The following ERCC2 variants were observed in gnomAD, a reference collection of about 807,000 sequenced individuals.
ERCC2 encodes general transcription and DNA repair factor IIH helicase subunit XPD.
In ERCC2, 90 loss-of-function variants were observed where a neutral mutation model predicts 99.4. That is an observed-to-expected ratio of 0.91 (90% CI 0.76 to 1.08). ERCC2 has a LOEUF of 1.08. Ranked by LOEUF, ERCC2 falls within the 50% of genes least tolerant of loss-of-function variation. The probability of loss-of-function intolerance (pLI) is 0.00; values close to 1 mark genes in which losing one functional copy is unlikely to be tolerated. For synonymous variants in ERCC2, 497 were observed against 432.4 expected (o/e 1.15, Z -1.85); for missense variants, 993 against 1,038.1 (o/e 0.96, Z 0.60).
At position 45,351,207 on chromosome 19, in the gene ERCC2, G is replaced by A. The variant is rs1971751177; in HGVS notation, c.*422C>T. 1.9e-6 allele frequency: 3 copies of A among 1,588,002 alleles called. No homozygotes were observed. The highest frequency in any genetic ancestry group is 3.4e-5 in the Admixed American group (2 of 58,616). On this transcript the variant is annotated 3_prime_UTR_variant, in exon 23 of 23. Coordinates refer to ENST00000391945, the MANE Select transcript of ERCC2 (RefSeq NM_000400.4). ...GAGGGGGTTGGATAGTTGGCTGCCA[G>A]GCTGGACCTGGAGCTGGAGGGTGGA... is the stretch of plus-strand genomic sequence containing the variant.
At chr19:45,354,205 A>C (rs529798896) in intron 17 of ERCC2, among the ~76,000 whole-genome samples, 23 of 152,144 alleles carry the variant, frequency 1.5e-4, no homozygotes, top group African/African-American at 5.1e-4. Flanking sequence ...CCTCCCACCC[A>C]TGTCCTGCTG....
chr19:45,352,813 T>C lies in ERCC2; in HGVS notation c.1835A>G (p.His612Arg). ...GKVSEGIDFV[H>R]HYGRAVIMFG... is the part of the protein sequence containing the mutation. ...CATGATGACGGCCCGCCCGTAGTGG[T>C]GCACTGGTGGGCAGAGGAGAGGGGG... The change falls in exon 20 of 23, where the codon CAC (histidine) becomes CGC (arginine). Residue 612 changes from histidine (H) to arginine (R), a missense_variant. Coordinates refer to ENST00000391945, the MANE Select transcript of ERCC2 (RefSeq NM_000400.4). 1.2e-6 allele frequency: 2 copies of C among 1,613,060 alleles called. No individual in the cohort carries two copies. The highest frequency in any genetic ancestry group is 2.2e-5 in the South Asian group (2 of 91,036).
intron 17 of ERCC2, among the ~76,000 whole-genome samples, chr19:45,353,652 G>C (rs1191439458): frequency 6.6e-6 from 1 of 152,192 alleles, no homozygotes; most frequent in East Asian, 1.9e-4. Flanking sequence ...GCTGCCCTGA[G>C]ACTTCCCATA....
In ERCC2 at chr19:45,351,573, G is replaced by GGGCCAGGCAAGACTCAGGAGT; in HGVS notation, c.*35_*55dup. 3 of 1,610,872 alleles carry GGGCCAGGCAAGACTCAGGAGT rather than the reference G, an allele frequency of 1.9e-6. No homozygotes were observed. The highest frequency in any genetic ancestry group is 2.5e-6 in the Non-Finnish European group (3 of 1,179,564). ...CTAGCACCACCGCCGCTGGGAACCA[G>GGGCCAGGCAAGACTCAGGAGT]GGCCAGGCAAGACTCAGGAGTCACC... On this transcript the variant is annotated 3_prime_UTR_variant, in exon 23 of 23. Transcript: ENST00000391945.
chr19:45,352,923 G>A, intron 19 of ERCC2, 107 bp from the exon 20 acceptor site: 3 of 1,252,882 alleles, frequency 2.4e-6, no homozygotes, highest in Non-Finnish European at 3.5e-6. Flanking sequence ...GGGAGAGGGT[G>A]TGTTCCCGCC....
intron 17 of ERCC2, among the ~76,000 whole-genome samples, chr19:45,353,561 C>T (rs779042998): frequency 5.3e-5 from 8 of 152,236 alleles, no homozygotes; most frequent in Middle Eastern, 3.4e-3. Context: ...GTGGCCCAAG[C>T]GGGTGGCCAA....
intron 15 of ERCC2, among the ~76,000 whole-genome samples, chr19:45,356,158 G>A (rs1034796036): frequency 1.3e-5 from 2 of 152,100 alleles, no homozygotes; most frequent in Admixed American, 1.3e-4. Flanking sequence ...CAGGCCCTGG[G>A]CCAGCCGGAT....
rs943265735 is a variant in ERCC2 at position 45,350,478 on chromosome 19, T to C, written c.*1151A>G. The C allele has an allele frequency of 3.1e-6, 5 of 1,613,470 alleles. No individual in the cohort carries two copies. The highest frequency in any genetic ancestry group is 3.4e-6 in the Non-Finnish European group (4 of 1,179,604). On this transcript the variant is annotated 3_prime_UTR_variant, in exon 23 of 23. Transcript: ENST00000391945. ...GTCTTCCCTCCTGGTGGCTTCTCTA[T>C]GTCCCCATCTCAGTGTCCCCCATCT...
chr19:45,369,044 C>T (rs1329706009), intron 3 of ERCC2, 26 bp downstream of exon 3: 1 of 1,614,100 alleles, frequency 6.2e-7, no homozygotes, highest in East Asian at 2.2e-5. Context: ...CTTTGTCTGC[C>T]TTTACGGGTT....
chr19:45,350,599 A>G lies in ERCC2; in HGVS notation c.*1030T>C. 1 of 1,613,300 alleles carries G rather than the reference A, an allele frequency of 6.2e-7. No individual in the cohort carries two copies. The highest frequency in any genetic ancestry group is 8.5e-7 in the Non-Finnish European group (1 of 1,179,480). On this transcript the variant is annotated 3_prime_UTR_variant, in exon 23 of 23. Transcript: ENST00000391945. ...CTCCTGGGGTGGGCGTGGGGACTGC[A>G]TGGGCCTGGGGGACTGAGCAGCATC...
chr19:45,361,840 A>G, intron 11 of ERCC2, 198 bp from the exon 12 acceptor site: 1 of 614,764 alleles, frequency 1.6e-6, no homozygotes, highest in Non-Finnish European at 3.0e-6. Context: ...ATTGCCGCAT[A>G]ATGGCACAGA....
In ERCC2 at chr19:45,350,046, G is replaced by A; in HGVS notation, c.*1583C>T. ...AGGCTGCCTGTCCTCCATCCCCAGG[G>A]CAGGAAGTAAGGCCGAGCTCCAAAC... On this transcript the variant is annotated 3_prime_UTR_variant, in exon 23 of 23. Transcript: ENST00000391945. 2 of 466,686 alleles carry A rather than the reference G, an allele frequency of 4.3e-6. No homozygotes were observed. Among genetic ancestry groups the A allele is most frequent in the South Asian group, 5.4e-5 (2 of 36,738 alleles). The allele number at this position is 466,686 out of a possible 1,614,324, so 28.9% of individuals were successfully genotyped here. A position where few individuals can be genotyped will look rare whatever the true frequency, so the allele number is the denominator to read the frequency against.
chr19:45,352,363 A>G lies in ERCC2; in HGVS notation c.2047-11T>C, dbSNP rs768554709. ...CCCACGGGCAAACCGCTGTGGGCAG[A>G]AGCGCAGGCCAGGGACAGAAGGTCA... On this transcript the variant is annotated splice_polypyrimidine_tract_variant and intron_variant, in intron 21 of 22. Coordinates refer to ENST00000391945, the MANE Select transcript of ERCC2 (RefSeq NM_000400.4). 2 of 1,613,774 alleles carry G rather than the reference A, an allele frequency of 1.2e-6. No individual in the cohort carries two copies. Among genetic ancestry groups the G allele is most frequent in the Non-Finnish European group, 1.7e-6 (2 of 1,179,918 alleles).
chr19:45,356,470 A>G (rs1023735175), intron 15 of ERCC2, among the ~76,000 whole-genome samples: 1 of 152,150 alleles, frequency 6.6e-6, no homozygotes, highest in Non-Finnish European at 1.5e-5. Context: ...GGCATCACAC[A>G]CCACACAGCA....
At position 45,354,797 on chromosome 19, in the gene ERCC2, TCAGGGACCACAGCGGACATCTCCAG is replaced by T; in HGVS notation, c.1573_1597del (p.Leu525MetfsTer176). 6.2e-7 allele frequency: 1 copy of T among 1,614,096 alleles called. No individual in the cohort carries two copies. Among genetic ancestry groups the T allele is most frequent in the Non-Finnish European group, 8.5e-7 (1 of 1,179,974 alleles). On this transcript the variant is annotated frameshift_variant, in exon 17 of 23. Coordinates refer to ENST00000391945, the MANE Select transcript of ERCC2 (RefSeq NM_000400.4). LOFTEE classifies it high-confidence loss of function. ...GCTGGTGAAGAAGGCCACGATGCCA[TCAGGGACCACAGCGGACATCTCCAG>T]CAGGAGGTTCCCATAGTTCCGGATC...
Position 45,350,147 on chromosome 19 carries a change from CGTG to C in ERCC2, c.*1479_*1481del. ...CAGCACATTAGAAAGTGGGGCCAGA[CGTG>C]GTGGTTCACGCTTGTAACCCCAACA... On this transcript the variant is annotated 3_prime_UTR_variant, in exon 23 of 23. Coordinates refer to ENST00000391945, the MANE Select transcript of ERCC2 (RefSeq NM_000400.4). 1 of 590,138 alleles carries C rather than the reference CGTG, an allele frequency of 1.7e-6. No homozygotes were observed. Among genetic ancestry groups the C allele is most frequent in the South Asian group, 2.0e-5 (1 of 49,020 alleles). 36.6% of individuals were successfully genotyped at this position (590,138 alleles called of 1,614,324 possible). A position where few individuals can be genotyped will look rare whatever the true frequency, so the allele number is the denominator to read the frequency against.
chr19:45,364,035 C>T lies in ERCC2; in HGVS notation c.900G>A (p.Glu300=). Residue 300 remains glutamate, a synonymous_variant, in exon 10 of 23, where the codon GAG becomes GAA. Coordinates refer to ENST00000391945, the MANE Select transcript of ERCC2 (RefSeq NM_000400.4). ...CGGGGTTGGCCAGGTGGGCGTCCGTCTCCCGGGCGGCGCTGGCCTCCCGCA... is the reference window on the plus strand; with the variant it reads ...CGGGGTTGGCCAGGTGGGCGTCCGTTTCCCGGGCGGCGCTGGCCTCCCGCA... ...EGLREASAAR[E]TDAHLANPVL... is the part of the protein sequence containing the mutation. 6.4e-7 allele frequency: 1 copy of T among 1,559,940 alleles called. No individual in the cohort carries two copies. The highest frequency in any genetic ancestry group is 8.7e-7 in the Non-Finnish European group (1 of 1,153,164).
At chr19:45,361,736 C>G (rs749685017) in intron 11 of ERCC2, 94 bp from the exon 12 acceptor site, 7 of 969,208 alleles carry the variant, frequency 7.2e-6, no homozygotes, top group Admixed American at 1.8e-5. Flanking sequence ...ACGTGCCTGT[C>G]TCCCCAGCCA....
chr19:45,365,331 A>C (rs1972388726), intron 5 of ERCC2, among the ~76,000 whole-genome samples, 173 bp from the exon 6 acceptor site: 1 of 152,160 alleles, frequency 6.6e-6, no homozygotes, highest in African/African-American at 2.4e-5. Context: ...GAGTAGTAAA[A>C]TTGGGCTGGG....
Sources: allele counts gnomAD v4.1 joint callset (sites outside exome capture counted in the v4.1 genomes callset), GRCh38; gene constraint gnomAD v4.1.1; transcripts MANE v1.5; gene names NCBI Gene and HGNC (gene_info 2026-07-23, HGNC 2026-07-21).